Variants in ARHGAP15 observed in about 807,000 individuals in gnomAD.
ARHGAP15 encodes Rho GTPase activating protein 15.
ARHGAP15 carries 51 observed loss-of-function variants against 63.7 expected under a neutral mutation model. The observed-to-expected ratio is 0.80, with a 90% CI of 0.64 to 1.01. The LOEUF is 1.01. ARHGAP15 is among the 50% of genes least tolerant of loss of function. The pLI, the probability that ARHGAP15 is intolerant of heterozygous loss-of-function variation, is 0.00. For missense variants in ARHGAP15, 560 were observed against 564.6 expected (o/e 0.99, Z 0.08); for synonymous variants, 191 against 193.8 (o/e 0.99, Z 0.12).
chr2:143,583,826 T>C (rs886691298), intron 11 of ARHGAP15, among the ~76,000 whole-genome samples: 1 of 152,234 alleles, frequency 6.6e-6, no homozygotes, highest in African/African-American at 2.4e-5. Context: ...CAAAGAATAC[T>C]AATTTTATAG....
intron 6 of ARHGAP15, among the ~76,000 whole-genome samples, chr2:143,360,748 G>GA (rs2105334649): frequency 6.6e-6 from 1 of 152,220 alleles, no homozygotes; most frequent in East Asian, 1.9e-4. Flanking sequence ...TGTGAAGGTG[G>GA]AAGAGTTAAG....
chr2:143,359,563 C>T (rs1461546865), intron 6 of ARHGAP15, among the ~76,000 whole-genome samples: 1 of 152,036 alleles, frequency 6.6e-6, no homozygotes, highest in Non-Finnish European at 1.5e-5. Flanking sequence ...TGTTTTCTTC[C>T]AAAATCGATG....
At chr2:143,178,944 T>C (rs1691116685) in intron 2 of ARHGAP15, among the ~76,000 whole-genome samples, 1 of 152,384 alleles carries the variant, frequency 6.6e-6, no homozygotes, top group African/African-American at 2.4e-5. Flanking sequence ...GGCTATGATT[T>C]TGGAGTCTTT....
intron 6 of ARHGAP15, among the ~76,000 whole-genome samples, chr2:143,435,065 G>T (rs572836313): frequency 6.6e-6 from 1 of 152,116 alleles, no homozygotes; most frequent in South Asian, 2.1e-4. Context: ...CTTTCCTATA[G>T]ATCTCTGATA....
At chr2:143,377,023 A>G (rs1401291904) in intron 6 of ARHGAP15, among the ~76,000 whole-genome samples, 1 of 152,096 alleles carries the variant, frequency 6.6e-6, no homozygotes, top group East Asian at 1.9e-4. Context: ...TTAAAATGAG[A>G]CTTTGCTCCC....
chr2:143,592,595 G>T (rs1697363040), intron 11 of ARHGAP15, among the ~76,000 whole-genome samples: 1 of 152,166 alleles, frequency 6.6e-6, no homozygotes. Context: ...TATAGTCCAG[G>T]TCTCCTTAAG....
intron 6 of ARHGAP15, among the ~76,000 whole-genome samples, chr2:143,348,813 ATCT>A (rs1226670689): frequency 6.6e-6 from 1 of 152,178 alleles, no homozygotes; most frequent in Non-Finnish European, 1.5e-5. Context: ...TTCAATACTG[ATCT>A]TCTAGAAAAT....
intron 2 of ARHGAP15, among the ~76,000 whole-genome samples, chr2:143,195,728 A>G (rs1691864079): frequency 1.3e-5 from 2 of 152,176 alleles, no homozygotes; most frequent in Non-Finnish European, 2.9e-5. Context: ...GTCTGTGAAA[A>G]TGTTGGAACA....
In ARHGAP15 at chr2:143,679,594, T is replaced by C. The variant is rs116509117; in HGVS notation, c.1139-23825T>C. Among the ~76,000 whole-genome samples, 1,088 of 152,226 alleles carry C rather than the reference T, an allele frequency of 7.1e-3. 12 individuals are homozygous for C. Among genetic ancestry groups the C allele is most frequent in the African/African-American group, 0.025 (1,045 of 41,540 alleles). Reference sequence around the variant, plus strand: ...AGAAACAGAAAAGCATGAAGATTCCTCCAACTCTGTCCTTTTTTATAGATG... The same window carrying C: ...AGAAACAGAAAAGCATGAAGATTCCCCCAACTCTGTCCTTTTTTATAGATG... On this transcript the variant is annotated intron_variant, in intron 12 of 13. Transcript: ENST00000295095.
intron 6 of ARHGAP15, among the ~76,000 whole-genome samples, chr2:143,403,549 TA>T (rs1475680570): frequency 1.3e-5 from 2 of 151,462 alleles, no homozygotes; most frequent in African/African-American, 4.8e-5. Flanking sequence ...GAAAAAAAAA[TA>T]CAACCCAAAA....
intron 6 of ARHGAP15, among the ~76,000 whole-genome samples, chr2:143,319,225 C>T (rs562311068): frequency 2.0e-5 from 3 of 149,980 alleles, no homozygotes; most frequent in Admixed American, 6.6e-5. Context: ...TATTGGTTCC[C>T]GCCTTTTTTT....
At chr2:143,528,891 G>A (rs1694404701) in intron 10 of ARHGAP15, among the ~76,000 whole-genome samples, 1 of 152,080 alleles carries the variant, frequency 6.6e-6, no homozygotes, top group Non-Finnish European at 1.5e-5. Flanking sequence ...TTGGCCTAGA[G>A]TTTGACAGCA....
intron 6 of ARHGAP15, chr2:143,344,196 G>C (rs1434075649): frequency 6.6e-6 from 1 of 152,086 alleles, no homozygotes; most frequent in African/African-American, 2.4e-5. Context: ...ATGGTTGTTT[G>C]AAAGTGGTTA....
At chr2:143,401,858 G>A (rs772889565) in intron 6 of ARHGAP15, among the ~76,000 whole-genome samples, 1 of 151,876 alleles carries the variant, frequency 6.6e-6, no homozygotes, top group Non-Finnish European at 1.5e-5. Context: ...TTTTTAGAAC[G>A]AGCAAAATTG....
intron 1 of ARHGAP15, among the ~76,000 whole-genome samples, chr2:143,153,840 TTCTTCCTCCTCC>T (rs1689956380): frequency 1.3e-5 from 1 of 78,398 alleles, no homozygotes; most frequent in African/African-American, 5.3e-5. Flanking sequence ...CTTCTTCTTC[TTCTTCCTCCTCC>T]TCCTCCTCCT....
chr2:143,764,905 C>T (rs1468593029), intron 13 of ARHGAP15, among the ~76,000 whole-genome samples: 1 of 152,122 alleles, frequency 6.6e-6, no homozygotes, highest in Non-Finnish European at 1.5e-5. Flanking sequence ...CAAGATGCCC[C>T]ATTCACCTTT....
intron 6 of ARHGAP15, among the ~76,000 whole-genome samples, chr2:143,411,077 C>T (rs547327866): frequency 2.6e-5 from 4 of 152,048 alleles, no homozygotes; most frequent in African/African-American, 9.6e-5. Flanking sequence ...TGACGGCAGG[C>T]ACCTGTGATC....
At chr2:143,447,379 A>G (rs1276066776) in intron 8 of ARHGAP15, among the ~76,000 whole-genome samples, 2 of 152,218 alleles carry the variant, frequency 1.3e-5, no homozygotes, top group African/African-American at 2.4e-5. Context: ...AACATATTAT[A>G]CAAATCACAT....
At chr2:143,552,189 G>T (rs567948814) in intron 10 of ARHGAP15, among the ~76,000 whole-genome samples, 1 of 152,276 alleles carries the variant, frequency 6.6e-6, no homozygotes, top group Admixed American at 6.5e-5. Context: ...GCCCACATTT[G>T]CAGACTGTAG....
Sources: gnomAD v4.1 joint callset for allele counts (sites outside exome capture counted in the v4.1 genomes callset) on GRCh38, gnomAD v4.1.1 for gene constraint, MANE v1.5 for transcripts, NCBI Gene and HGNC (gene_info 2026-07-23, HGNC 2026-07-21) for gene names.